RIMS1: variants seen among roughly 807,000 people sequenced by gnomAD.
RIMS1 encodes regulating synaptic membrane exocytosis 1.
A neutral mutation model predicts 214.1 loss-of-function variants in RIMS1; 83 were observed. The ratio of observed to expected loss-of-function variants is 0.39; its 90% CI spans 0.32 to 0.47. The LOEUF (loss-of-function observed/expected upper bound fraction) is 0.47. Among genes scored for constraint, RIMS1 ranks in the 20% least tolerant of loss-of-function variants. The probability of loss-of-function intolerance (pLI) is 0.99; values close to 1 mark genes in which losing one functional copy is unlikely to be tolerated. For synonymous variants in RIMS1, 793 were observed against 786.8 expected, an observed-to-expected ratio of 1.01 and a Z score of -0.13; for missense variants, 2,050 against 2,161.8, an observed-to-expected ratio of 0.95 and a Z score of 1.03.
intron 29 of RIMS1, among the ~76,000 whole-genome samples, chr6:72,361,746 C>T (rs563535290): frequency 2.0e-5 from 3 of 152,324 alleles, no homozygotes; most frequent in African/African-American, 7.2e-5. Flanking sequence ...TCATCAAAGC[C>T]AGCAATGCTA....
intron 18 of RIMS1, 45 bp from the exon 19 acceptor site, chr6:72,260,660 C>A: frequency 6.2e-7 from 1 of 1,605,402 alleles, no homozygotes; most frequent in South Asian, 1.1e-5. Flanking sequence ...TAACCCATGT[C>A]TCATAATTTA....
intron 29 of RIMS1, among the ~76,000 whole-genome samples, 155 bp from the exon 30 acceptor site, chr6:72,390,443 G>T (rs1179421312): frequency 1.3e-5 from 2 of 152,182 alleles, no homozygotes; most frequent in Admixed American, 1.3e-4. Flanking sequence ...TTGGCAAGGA[G>T]CCTGAATCAA....
chr6:72,398,438 T>C, intron 32 of RIMS1, 88 bp downstream of exon 32: 2 of 747,596 alleles, frequency 2.7e-6, no homozygotes, highest in Non-Finnish European at 4.4e-6. Context: ...TTTCATATGC[T>C]CTGTTTTGCA....
chr6:72,391,640 G>A (rs1225157699), intron 30 of RIMS1, among the ~76,000 whole-genome samples: 2 of 152,130 alleles, frequency 1.3e-5, no homozygotes, highest in African/African-American at 4.8e-5. Context: ...ATTATGCCAA[G>A]TTACTGTTTG....
chr6:72,400,667 C>T lies in RIMS1; in HGVS notation c.5032C>T (p.Gln1678Ter), dbSNP rs916862538. ...CACTCCCCTCACCCGGCGGGCTTCC[C>T]AGTCATCTCTGGAAAGTTCAACTGG... The part of the protein sequence containing the change: ...TLTPLTRRAS[Q>*]SSLESSTGPP... Residue 1678 changes from glutamine to a stop codon, truncating the protein, a stop_gained, in exon 34 of 34, where the codon CAG (glutamine) becomes TAG (stop). Coordinates refer to ENST00000521978, the MANE Select transcript of RIMS1 (RefSeq NM_014989.7). LOFTEE classifies it high-confidence loss of function. 6.2e-7 allele frequency: 1 copy of T among 1,613,878 alleles called. No individual in the cohort carries two copies. Among genetic ancestry groups the T allele is most frequent in the South Asian group, 1.1e-5 (1 of 91,070 alleles).
chr6:72,061,536 C>T (rs145525183), intron 2 of RIMS1, among the ~76,000 whole-genome samples: 3 of 152,314 alleles, frequency 2.0e-5, no homozygotes, highest in Non-Finnish European at 2.9e-5. Flanking sequence ...GTGCATTACG[C>T]GCTTTCTGAC....
At chr6:71,910,377 C>T (rs1776518805) in intron 1 of RIMS1, among the ~76,000 whole-genome samples, 1 of 152,100 alleles carries the variant, frequency 6.6e-6, no homozygotes, top group East Asian at 1.9e-4. Context: ...TTGGACTGGA[C>T]ATATTTTAGT....
chr6:72,002,241 G>T (rs1316877605), intron 2 of RIMS1, among the ~76,000 whole-genome samples: 3 of 152,034 alleles, frequency 2.0e-5, no homozygotes, highest in Admixed American at 6.6e-5. Context: ...TTTAAAAGTT[G>T]CTTGAACTCT....
At chr6:71,920,328 A>G (rs923936817) in intron 1 of RIMS1, among the ~76,000 whole-genome samples, 6 of 152,238 alleles carry the variant, frequency 3.9e-5, no homozygotes, top group African/African-American at 1.4e-4. Context: ...GTTAATAGTC[A>G]TATAGCATGG....
intron 2 of RIMS1, among the ~76,000 whole-genome samples, chr6:72,013,389 T>A (rs1811548414): frequency 6.6e-6 from 1 of 152,330 alleles, no homozygotes; most frequent in South Asian, 2.1e-4. Context: ...CTTTTGAATG[T>A]CCAGTGTATA....
intron 2 of RIMS1, among the ~76,000 whole-genome samples, chr6:72,078,259 G>A (rs921999061): frequency 6.6e-6 from 1 of 152,112 alleles, no homozygotes; most frequent in African/African-American, 2.4e-5. Flanking sequence ...ACAAATTAGC[G>A]GTGCTCTTAG....
intron 4 of RIMS1, among the ~76,000 whole-genome samples, chr6:72,158,556 G>C (rs6453574): frequency 6.1e-3 from 559 of 91,570 alleles, no homozygotes; most frequent in African/African-American, 6.4e-3. Flanking sequence ...CTATCCCTCC[G>C]CCCTCCCCCC....
intron 2 of RIMS1, among the ~76,000 whole-genome samples, chr6:72,043,668 T>C (rs539774436): frequency 6.6e-6 from 1 of 151,588 alleles, no homozygotes; most frequent in African/African-American, 2.4e-5. Context: ...TAAATGCTAA[T>C]GTACTATTAA....
chr6:72,248,587 A>G (rs1273777421), intron 12 of RIMS1, among the ~76,000 whole-genome samples: 1 of 152,164 alleles, frequency 6.6e-6, no homozygotes, highest in Non-Finnish European at 1.5e-5. Flanking sequence ...AAAAGCTACC[A>G]TTTTCTCACT....
At chr6:72,062,929 G>A (rs746168900) in intron 2 of RIMS1, among the ~76,000 whole-genome samples, 17 of 152,014 alleles carry the variant, frequency 1.1e-4, no homozygotes, top group Non-Finnish European at 2.2e-4. Context: ...TAATGGATTA[G>A]GGCTCTCTCT....
intron 4 of RIMS1, among the ~76,000 whole-genome samples, chr6:72,136,688 TA>T (rs1430512200): frequency 6.6e-6 from 1 of 152,088 alleles, no homozygotes; most frequent in Non-Finnish European, 1.5e-5. Context: ...ATATTTACTT[TA>T]GGAAGATAAG....
At chr6:72,249,877 T>A (rs949010503) in intron 12 of RIMS1, among the ~76,000 whole-genome samples, 10 of 152,188 alleles carry the variant, frequency 6.6e-5, no homozygotes, top group African/African-American at 2.4e-4. Flanking sequence ...ATTCTTTGTA[T>A]TTCTTATTCC....
At chr6:72,084,674 G>A (rs1834211613) in intron 2 of RIMS1, among the ~76,000 whole-genome samples, 1 of 152,254 alleles carries the variant, frequency 6.6e-6, no homozygotes, top group East Asian at 1.9e-4. Context: ...TTCATTTAAT[G>A]CTTACTCGGG....
rs538481127 is a variant in RIMS1, at chr6:72,364,396, G to A, written c.4367-26202G>A. Among the ~76,000 whole-genome samples, 36 of 152,216 alleles carry A rather than the reference G, an allele frequency of 2.4e-4. 1 individual carries two copies. Among genetic ancestry groups the A allele is most frequent in the South Asian group, 1.7e-3 (8 of 4,810 alleles). ...CATAGAGCATGAGTATCTGAAGGAGGCTGTACTCTATGTGCAGTCCCCGCA... is the reference window on the plus strand; with the variant it reads ...CATAGAGCATGAGTATCTGAAGGAGACTGTACTCTATGTGCAGTCCCCGCA... On this transcript the variant is annotated intron_variant, in intron 29 of 33. Coordinates refer to ENST00000521978, the MANE Select transcript of RIMS1 (RefSeq NM_014989.7).
Sources: allele counts gnomAD v4.1 joint callset (sites outside exome capture counted in the v4.1 genomes callset), GRCh38; gene constraint gnomAD v4.1.1; transcripts MANE v1.5; gene names NCBI Gene and HGNC (gene_info 2026-07-23, HGNC 2026-07-21).